The following GPR158 variants were observed in gnomAD, a reference collection of about 807,000 sequenced individuals.
GPR158 encodes G protein-coupled receptor 158.
Under a neutral mutation model 78.2 loss-of-function variants are expected in GPR158, and 30 were observed. That is an observed-to-expected ratio of 0.38 (90% CI 0.29 to 0.52). The LOEUF (loss-of-function observed/expected upper bound fraction) is 0.52, where lower values mean the gene tolerates loss of function less well. GPR158 is among the 20% of genes least tolerant of loss of function. The probability of loss-of-function intolerance (pLI) is 0.83; values close to 1 mark genes in which losing one functional copy is unlikely to be tolerated. For missense variants in GPR158, 1,463 were observed against 1,523.5 expected (o/e 0.96, Z 0.66); for synonymous variants, 581 against 591.1 (o/e 0.98, Z 0.25).
chr10:25,219,385 G>A (rs772861759), intron 1 of GPR158, among the ~76,000 whole-genome samples: 7 of 152,182 alleles, frequency 4.6e-5, no homozygotes, highest in Non-Finnish European at 8.8e-5. Flanking sequence ...ACTGGATTAA[G>A]GCATTAGGTT....
intron 1 of GPR158, among the ~76,000 whole-genome samples, chr10:25,189,836 G>A (rs1156682851): frequency 2.0e-5 from 2 of 102,226 alleles, no homozygotes; most frequent in Non-Finnish European, 4.0e-5. Flanking sequence ...AGGAAAGCAT[G>A]TGTGTGTGTG....
intron 4 of GPR158, among the ~76,000 whole-genome samples, chr10:25,433,570 T>TGTGTGTGTGTGTGTGC (rs1554803626): frequency 1.7e-4 from 22 of 128,742 alleles, no homozygotes; most frequent in Non-Finnish European, 3.0e-4. Context: ...TGTGTGTGTG[T>TGTGTGTGTGTGTGTGC]GCGCGCGCGC....
intron 2 of GPR158, among the ~76,000 whole-genome samples, chr10:25,277,395 G>A (rs372811549): frequency 4.7e-4 from 71 of 151,944 alleles, no homozygotes; most frequent in African/African-American, 1.4e-3. Context: ...TGATAAATAC[G>A]ATATTCTGAA....
chr10:25,195,972 T>G (rs1218638132), intron 1 of GPR158, among the ~76,000 whole-genome samples: 1 of 152,194 alleles, frequency 6.6e-6, no homozygotes, highest in East Asian at 1.9e-4. Flanking sequence ...ATTTTCTCCT[T>G]ATGGAAACTT....
chr10:25,494,619 A>G (rs77978279), intron 5 of GPR158, among the ~76,000 whole-genome samples: 4,187 of 152,228 alleles, frequency 0.028, 205 homozygotes, highest in African/African-American at 0.095. Context: ...GTACCATAGT[A>G]CCAAAATTTA....
chr10:25,327,922 A>G (rs1307900183), intron 2 of GPR158, among the ~76,000 whole-genome samples: 2 of 152,328 alleles, frequency 1.3e-5, no homozygotes, highest in South Asian at 2.1e-4. Flanking sequence ...TAGAAAATCT[A>G]TTTGTAGACA....
chr10:25,463,725 A>AT (rs994717249), intron 4 of GPR158, among the ~76,000 whole-genome samples: 2 of 149,938 alleles, frequency 1.3e-5, no homozygotes, highest in African/African-American at 4.9e-5. Context: ...CCCCACCCCC[A>AT]TACACACTTA....
chr10:25,245,563 A>G (rs1853679370), intron 2 of GPR158, among the ~76,000 whole-genome samples: 3 of 152,138 alleles, frequency 2.0e-5, no homozygotes, highest in African/African-American at 7.2e-5. Flanking sequence ...TGTGATTCTC[A>G]ACCTTGATTT....
intron 4 of GPR158, among the ~76,000 whole-genome samples, chr10:25,444,386 G>C (rs116796081): frequency 6.6e-6 from 1 of 151,178 alleles, no homozygotes; most frequent in Non-Finnish European, 1.5e-5. Flanking sequence ...TGGTAGGTGT[G>C]TATGGGGGTG....
At chr10:25,223,958 T>C (rs2130686402) in intron 2 of GPR158, among the ~76,000 whole-genome samples, 1 of 152,342 alleles carries the variant, frequency 6.6e-6, no homozygotes, top group African/African-American at 2.4e-5. Context: ...CTCTAGGGTA[T>C]GTACAACCAA....
At chr10:25,298,868 A>C (rs1854553043) in intron 2 of GPR158, among the ~76,000 whole-genome samples, 1 of 152,148 alleles carries the variant, frequency 6.6e-6, no homozygotes, top group Non-Finnish European at 1.5e-5. Context: ...AAAGATAAAA[A>C]TCTCCATGTT....
At chr10:25,429,281 A>G (rs1834864134) in intron 4 of GPR158, among the ~76,000 whole-genome samples, 1 of 152,076 alleles carries the variant, frequency 6.6e-6, no homozygotes, top group Non-Finnish European at 1.5e-5. Context: ...ACCAATTTTT[A>G]CTTTTCTTCG....
intron 6 of GPR158, among the ~76,000 whole-genome samples, chr10:25,564,092 T>A (rs1048989325): frequency 2.6e-5 from 4 of 152,216 alleles, no homozygotes; most frequent in African/African-American, 9.6e-5. Flanking sequence ...CATTGAAGTC[T>A]CTTTTCTGTT....
At position 25,601,929 on chromosome 10, in the gene GPR158, T is replaced by A. The variant is rs3758451; in HGVS notation, c.*2655T>A. On this transcript the variant is annotated 3_prime_UTR_variant, in exon 11 of 11. Coordinates refer to ENST00000376351, the MANE Select transcript of GPR158 (RefSeq NM_020752.3). ...AAGTATAACTCAACCCATTGTAAACTTTGGTGGCAATATGGATTTGAAACT... is the reference window on the plus strand; with the variant it reads ...AAGTATAACTCAACCCATTGTAAACATTGGTGGCAATATGGATTTGAAACT... 9.8e-5 allele frequency: 15 copies of A among 152,748 alleles called. No homozygotes were observed. In the East Asian group the frequency reaches 2.9e-3, roughly 29 times the overall value. The allele number at this position is 152,748 out of a possible 1,614,324, so 9.5% of individuals were successfully genotyped here.
At chr10:25,374,143 A>T (rs115732615) in intron 2 of GPR158, among the ~76,000 whole-genome samples, 1 of 151,672 alleles carries the variant, frequency 6.6e-6, no homozygotes, top group Admixed American at 6.6e-5. Context: ...TTACTCATAA[A>T]TGTGTCGTCG....
At chr10:25,317,713 A>T (rs1854876064) in intron 2 of GPR158, among the ~76,000 whole-genome samples, 1 of 130,884 alleles carries the variant, frequency 7.6e-6, no homozygotes, top group African/African-American at 3.6e-5. Flanking sequence ...TTCTTCGTAA[A>T]GTGTTTTTTT....
At chr10:25,314,841 G>GTCATATATATATATATA (rs1564419457) in intron 2 of GPR158, among the ~76,000 whole-genome samples, 1 of 114,890 alleles carries the variant, frequency 8.7e-6, no homozygotes, top group African/African-American at 3.8e-5. Context: ...ACATATACAC[G>GTCATATATATATATATA]TATATACATA....
chr10:25,359,536 G>T (rs758637590), intron 2 of GPR158, among the ~76,000 whole-genome samples: 1 of 152,042 alleles, frequency 6.6e-6, no homozygotes, highest in Non-Finnish European at 1.5e-5. Flanking sequence ...GTGTCAGTTT[G>T]CTGAGAATGA....
chr10:25,180,525 A>G (rs539631266), intron 1 of GPR158, among the ~76,000 whole-genome samples: 2 of 152,286 alleles, frequency 1.3e-5, no homozygotes, highest in South Asian at 2.1e-4. Flanking sequence ...CTTTGCCCAA[A>G]CCAGTGATAT....
Sources: allele counts gnomAD v4.1 joint callset (sites outside exome capture counted in the v4.1 genomes callset), GRCh38; gene constraint gnomAD v4.1.1; transcripts MANE v1.5; gene names NCBI Gene and HGNC (gene_info 2026-07-23, HGNC 2026-07-21).